Variants in UBE3C observed in about 807,000 individuals in gnomAD.
The protein encoded by UBE3C is ubiquitin-protein ligase E3C.
A neutral mutation model predicts 129.4 loss-of-function variants in UBE3C; 42 were observed. The observed-to-expected ratio is 0.32, with a 90% CI of 0.25 to 0.42. The LOEUF is 0.42. UBE3C is among the 10% of genes least tolerant of loss of function. The pLI, the probability that UBE3C is intolerant of heterozygous loss-of-function variation, is 1.00. For missense variants in UBE3C, 1,049 were observed against 1,319.1 expected (o/e 0.80, Z 3.17); for synonymous variants, 510 against 492.4 (o/e 1.04, Z -0.47).
rs1807352465 is a variant in UBE3C at position 157,139,224 on chromosome 7, C to G, written c.-49C>G. On this transcript the variant is annotated 5_prime_UTR_variant, in exon 1 of 23. Coordinates refer to ENST00000348165, the MANE Select transcript of UBE3C (RefSeq NM_014671.3). ...CCAGCCCGCCCCGTGCCCCGCCCGC[C>G]CGGCTGCTTCCGCGGCGGCGCTGCC... 1.4e-6 allele frequency: 2 copies of G among 1,393,790 alleles called. No individual in the cohort carries two copies. Among genetic ancestry groups the G allele is most frequent in the Non-Finnish European group, 1.9e-6 (2 of 1,066,910 alleles). The allele number at this position is 1,393,790 out of a possible 1,614,324, so 86.3% of individuals were successfully genotyped here.
intron 1 of UBE3C, among the ~76,000 whole-genome samples, chr7:157,152,471 T>G (rs1807783860): frequency 6.6e-6 from 1 of 152,216 alleles, no homozygotes; most frequent in Non-Finnish European, 1.5e-5. Flanking sequence ...GCCTAAAACC[T>G]GCAGTGGGCA....
At chr7:157,165,309 G>T (rs1808183253) in intron 2 of UBE3C, among the ~76,000 whole-genome samples, 1 of 150,702 alleles carries the variant, frequency 6.6e-6, no homozygotes, top group African/African-American at 2.4e-5. Context: ...GCTTTTCTCT[G>T]TGTTTATCCT....
In UBE3C at chr7:157,242,562, A is replaced by C. The variant is rs543276697; in HGVS notation, c.2482-5806A>C. Among the ~76,000 whole-genome samples the C allele has an allele frequency of 1.4e-4, 21 of 145,536 alleles. No homozygotes were observed. In the South Asian group the frequency reaches 4.6e-3, roughly 32 times the overall value. On this transcript the variant is annotated intron_variant, in intron 18 of 22. Coordinates refer to ENST00000348165, the MANE Select transcript of UBE3C (RefSeq NM_014671.3). ...TAAATTCCTACTGTCTTTCAGAAGC[A>C]GGAGTGTAAAACTGTCCTCAGATGC...
chr7:157,198,339 C>T, intron 10 of UBE3C: 4 of 792,520 alleles, frequency 5.0e-6, no homozygotes, highest in Non-Finnish European at 9.3e-6. Context: ...ACTTCATCTT[C>T]ATACAGTTCT....
At chr7:157,260,648 A>G (rs1197291484) in intron 22 of UBE3C, among the ~76,000 whole-genome samples, 3 of 152,186 alleles carry the variant, frequency 2.0e-5, no homozygotes, top group African/African-American at 2.4e-5. Context: ...TCTTTGTTTC[A>G]AAACTGGTTT....
Position 157,182,200 on chromosome 7 carries a change from C to T in UBE3C, c.863C>T (p.Ala288Val), listed in dbSNP as rs755736922. The part of the protein sequence containing the change: ...FHFIIPALAD[A>V]QTVFPYEPFL... ...TTCATCATTCCGGCGCTTGCAGATG[C>T]GCAGACCGTTTTCCCTTACGAGCCC... Residue 288 changes from alanine to valine, a missense_variant, in exon 8 of 23, where the codon GCG becomes GTG. By Grantham distance (64) the Ala-to-Val change is moderately conservative. This residue lies in a region of UBE3C where 489 missense variants were observed against 513.8 expected (regional missense o/e 0.95). Transcript: ENST00000348165. 18 of 1,613,974 alleles carry T rather than the reference C, an allele frequency of 1.1e-5. No individual in the cohort carries two copies. Among genetic ancestry groups the T allele is most frequent in the Admixed American group, 5.0e-5 (3 of 59,978 alleles).
At chr7:157,150,945 C>A (rs1391461226) in intron 1 of UBE3C, among the ~76,000 whole-genome samples, 2 of 152,188 alleles carry the variant, frequency 1.3e-5, no homozygotes, top group Admixed American at 6.5e-5. Flanking sequence ...TAGTGCTGGC[C>A]GTTGGCAGGA....
At chr7:157,231,585 T>C (rs1376560898) in intron 18 of UBE3C, 3 of 464,246 alleles carry the variant, frequency 6.5e-6, no homozygotes, top group Admixed American at 3.5e-5. Flanking sequence ...AAGAGGTGAT[T>C]AGATCATGTG....
intron 17 of UBE3C, among the ~76,000 whole-genome samples, chr7:157,228,719 T>C (rs1368042732): frequency 6.6e-6 from 1 of 152,070 alleles, no homozygotes; most frequent in African/African-American, 2.4e-5. Context: ...CTGTGCAGAG[T>C]GGCCCCATCT....
intron 13 of UBE3C, among the ~76,000 whole-genome samples, chr7:157,209,633 G>T (rs914876298): frequency 3.3e-4 from 50 of 152,272 alleles, no homozygotes; most frequent in African/African-American, 1.2e-3. Context: ...AGCTTTCCAT[G>T]ATGTGCAATA....
At chr7:157,244,202 C>G (rs546803070) in intron 18 of UBE3C, among the ~76,000 whole-genome samples, 1 of 152,218 alleles carries the variant, frequency 6.6e-6, no homozygotes, top group South Asian at 2.1e-4. Context: ...TCATTGCGCT[C>G]CAGCCTGGGC....
intron 21 of UBE3C, among the ~76,000 whole-genome samples, chr7:157,256,290 G>A (rs1172962590): frequency 6.6e-6 from 1 of 152,018 alleles, no homozygotes; most frequent in African/African-American, 2.4e-5. Flanking sequence ...TTATGGGTGC[G>A]CGCCACAACA....
At chr7:157,194,076 C>T (rs1471491255) in intron 10 of UBE3C, among the ~76,000 whole-genome samples, 1 of 152,008 alleles carries the variant, frequency 6.6e-6, no homozygotes, top group Non-Finnish European at 1.5e-5. Context: ...AGGACAATGC[C>T]CTTTGATTTA....
At chr7:157,244,898 A>C (rs10228373) in intron 18 of UBE3C, among the ~76,000 whole-genome samples, 26,709 of 152,178 alleles carry the variant, frequency 0.18, 2,618 homozygotes, top group East Asian at 0.36. Flanking sequence ...GCTTCTAGGA[A>C]CAAGCGTGGT....
chr7:157,226,243 T>C (rs1795875020), intron 17 of UBE3C, among the ~76,000 whole-genome samples: 1 of 152,176 alleles, frequency 6.6e-6, no homozygotes, highest in African/African-American at 2.4e-5. Flanking sequence ...GCAATCCAAG[T>C]TTCTTATGAA....
chr7:157,234,549 GTCTA>G (rs1796105955), intron 18 of UBE3C, among the ~76,000 whole-genome samples: 1 of 152,182 alleles, frequency 6.6e-6, no homozygotes, highest in East Asian at 1.9e-4. Context: ...GAAGGAATCA[GTCTA>G]TCCTGGATAT....
intron 10 of UBE3C, among the ~76,000 whole-genome samples, chr7:157,200,240 G>A (rs1160600622): frequency 6.6e-6 from 1 of 152,096 alleles, no homozygotes; most frequent in Non-Finnish European, 1.5e-5. Context: ...TGCTTTTACT[G>A]TTTTTTCAGT....
intron 10 of UBE3C, among the ~76,000 whole-genome samples, chr7:157,198,745 G>C (rs1447403774): frequency 2.0e-5 from 3 of 152,156 alleles, no homozygotes; most frequent in African/African-American, 7.2e-5. Context: ...ATGTTGACCA[G>C]GCTGGTCTCG....
At chr7:157,240,013 G>C (rs1027464620) in intron 18 of UBE3C, among the ~76,000 whole-genome samples, 1 of 152,170 alleles carries the variant, frequency 6.6e-6, no homozygotes, top group African/African-American at 2.4e-5. Context: ...AAATTCTTGG[G>C]CTCCACCCCA....
Sources: allele counts gnomAD v4.1 joint callset (sites outside exome capture counted in the v4.1 genomes callset), GRCh38; gene constraint gnomAD v4.1.1; regional missense constraint gnomAD v4.1.1; transcripts MANE v1.5; gene names NCBI Gene and HGNC (gene_info 2026-07-23, HGNC 2026-07-21).